The following YARS1 variants were observed in gnomAD, a reference collection of about 807,000 sequenced individuals.
YARS1 encodes the protein tyrosine--tRNA ligase, cytoplasmic.
Under a neutral mutation model 62.2 loss-of-function variants are expected in YARS1, and 36 were observed. The ratio of observed to expected loss-of-function variants is 0.58; its 90% confidence interval spans 0.44 to 0.76. The LOEUF is 0.76. Among genes scored for constraint, YARS1 ranks in the 30% least tolerant of loss-of-function variants. The pLI, the probability that YARS1 is intolerant of heterozygous loss-of-function variation, is 0.00. For synonymous variants in YARS1, 234 were observed against 244.9 expected, an observed-to-expected ratio of 0.96 and a Z score of 0.42; for missense variants, 524 against 639.8, an observed-to-expected ratio of 0.82 and a Z score of 1.95.
chr1:32,794,416 GTC>G (rs1181709622), intron 5 of YARS1, among the ~76,000 whole-genome samples: 1 of 152,050 alleles, frequency 6.6e-6, no homozygotes, highest in Non-Finnish European at 1.5e-5. Context: ...TTGAGACAAG[GTC>G]TCTCTCTGTT....
Position 32,804,915 on chromosome 1 carries a change from C to G in YARS1, c.510+1567G>C, listed in dbSNP as rs543518036. On this transcript the variant is annotated intron_variant, in intron 4 of 12. Coordinates refer to ENST00000373477, the MANE Select transcript of YARS1 (RefSeq NM_003680.4). ...GGTGGAGGTTGTAGCGAGCTGAGAT[C>G]ACGCCACTGCACTCCAGCCTGGGCA... 2.0e-3 allele frequency among the ~76,000 whole-genome samples: 308 copies of G among 152,246 alleles called. 3 individuals carry two copies. Among genetic ancestry groups the G allele is most frequent in the African/African-American group, 6.1e-3 (253 of 41,560 alleles).
In YARS1 at chr1:32,806,608, C is replaced by G; in HGVS notation, c.384G>C (p.Glu128Asp). 6.2e-7 allele frequency: 1 copy of G among 1,614,168 alleles called. No homozygotes were observed. Among genetic ancestry groups the G allele is most frequent in the Non-Finnish European group, 8.5e-7 (1 of 1,180,034 alleles). Residue 128 changes from glutamate to aspartate, a missense_variant, in exon 4 of 13, where the codon GAG becomes GAC. Physicochemically the swap from Glu to Asp is conservative, Grantham distance 45 (BLOSUM62 2). Coordinates refer to ENST00000373477, the MANE Select transcript of YARS1 (RefSeq NM_003680.4). ...AGAGTCTGTACACATCTAGTGTGTA[C>G]TCTCTGAAGAGGAAAGGAAGAGGGG... ...IKGTDYQLSK[E>D]YTLDVYRLSS...
chr1:32,785,521 G>A (rs1236059211), intron 8 of YARS1, among the ~76,000 whole-genome samples: 10 of 151,844 alleles, frequency 6.6e-5, no homozygotes, highest in African/African-American at 2.4e-4. Context: ...AACCTAGCGG[G>A]CCAAGATGGA....
Position 32,776,123 on chromosome 1 carries a change from ATGG to A in YARS1, c.1477-35_1477-33del. 6.4e-7 allele frequency: 1 copy of A among 1,568,702 alleles called. No individual in the cohort carries two copies. ...AAGACAGATAAGAGAGATTTTAATG[ATGG>A]TGGTGGGACTGCAAGAAAACCCCCC... is the stretch of plus-strand genomic sequence containing the variant. On this transcript the variant is annotated intron_variant, in intron 12 of 12. Transcript: ENST00000373477. This position sits in a 1 kb window ranked among gnomAD's most constrained non-coding sequence, Gnocchi z 4.0.
At chr1:32,807,608 C>G (rs1322034348) in intron 3 of YARS1, among the ~76,000 whole-genome samples, 2 of 152,168 alleles carry the variant, frequency 1.3e-5, no homozygotes, top group East Asian at 3.9e-4. Flanking sequence ...TAGGCATGTG[C>G]CACCACACCT....
At chr1:32,778,656 C>G (rs1652950685) in intron 12 of YARS1, among the ~76,000 whole-genome samples, 1 of 151,730 alleles carries the variant, frequency 6.6e-6, no homozygotes, top group South Asian at 2.1e-4. Flanking sequence ...ATCCTCCCGT[C>G]TTGGCCTCCC....
chr1:32,812,628 C>G (rs1376415343), intron 1 of YARS1, among the ~76,000 whole-genome samples: 2 of 152,144 alleles, frequency 1.3e-5, no homozygotes, highest in Non-Finnish European at 2.9e-5. Flanking sequence ...AGACATTCAC[C>G]ATCAATTCTC....
At chr1:32,809,163 C>T (rs1004084064) in intron 3 of YARS1, among the ~76,000 whole-genome samples, 6 of 151,808 alleles carry the variant, frequency 4.0e-5, no homozygotes, top group Admixed American at 1.3e-4. Flanking sequence ...CTCCACTCAC[C>T]GCAACCTCCA....
chr1:32,807,136 AAGAC>A (rs1043605360), intron 3 of YARS1, among the ~76,000 whole-genome samples: 46 of 152,302 alleles, frequency 3.0e-4, no homozygotes, highest in African/African-American at 1.0e-3. Flanking sequence ...CATCAGAACA[AAGAC>A]AGACAGACCC....
rs781198754 is a variant in YARS1 at position 32,776,309 on chromosome 1, G to A, written c.1477-218C>T. Among the ~76,000 whole-genome samples the A allele has an allele frequency of 2.6e-5, 4 of 151,998 alleles. No individual in the cohort carries two copies. The highest frequency in any genetic ancestry group is 2.1e-4 in the South Asian group (1 of 4,814). On this transcript the variant is annotated intron_variant, in intron 12 of 12. Coordinates refer to ENST00000373477, the MANE Select transcript of YARS1 (RefSeq NM_003680.4). The surrounding 1 kb of genome is among the most constrained non-coding windows in gnomAD (Gnocchi z 4.0). ...ACTACAGGCATGCACCACCACGCCC[G>A]ACTAATTTTGTACTTTTAGTAGACA...
chr1:32,791,354 A>G (rs1429613618), intron 5 of YARS1, 100 bp from the exon 6 acceptor site: 1 of 911,598 alleles, frequency 1.1e-6, no homozygotes, highest in Admixed American at 1.8e-5. Flanking sequence ...TAGTTGTTAT[A>G]TTGCTTCCAA....
At chr1:32,814,839 G>A (rs912513388) in intron 1 of YARS1, among the ~76,000 whole-genome samples, 5 of 152,306 alleles carry the variant, frequency 3.3e-5, no homozygotes, top group Admixed American at 6.5e-5. Flanking sequence ...AGTGTACCCC[G>A]ATAAGAGGTT....
At chr1:32,782,563 T>C in intron 8 of YARS1, 24 bp from the exon 9 acceptor site, 1 of 1,614,070 alleles carries the variant, frequency 6.2e-7, no homozygotes, top group South Asian at 1.1e-5. Context: ...CAAGACCTAG[T>C]GAGATAAAGT....
chr1:32,778,299 A>G (rs1397209545), intron 12 of YARS1, among the ~76,000 whole-genome samples: 1 of 152,234 alleles, frequency 6.6e-6, no homozygotes, highest in Non-Finnish European at 1.5e-5. Flanking sequence ...TCACTGGGGC[A>G]GGCCAGATTT....
At chr1:32,781,378 A>T (rs896776764) in intron 9 of YARS1, 2 of 549,532 alleles carry the variant, frequency 3.6e-6, no homozygotes, top group African/African-American at 3.8e-5. Context: ...GAGCAGTAGT[A>T]GCTTTGCCTC....
At chr1:32,792,975 TAAGAA>T (rs897470274) in intron 5 of YARS1, among the ~76,000 whole-genome samples, 4 of 150,754 alleles carry the variant, frequency 2.7e-5, no homozygotes, top group Non-Finnish European at 5.9e-5. Flanking sequence ...AAAAAGGAAA[TAAGAA>T]AAGGCAGACA....
chr1:32,810,769 G>A lies in YARS1; in HGVS notation c.205-3C>T, dbSNP rs1374138190. On this transcript the variant is annotated splice_polypyrimidine_tract_variant and splice_region_variant and intron_variant, in intron 2 of 12. Coordinates refer to ENST00000373477, the MANE Select transcript of YARS1 (RefSeq NM_003680.4). ...AGGTCCGCAAACAGAATTGTTACCT[G>A]GACAAGAGATAAGGGGCCACCAAAA... The A allele has an allele frequency of 6.2e-7, 1 of 1,614,120 alleles. No individual in the cohort carries two copies. The highest frequency in any genetic ancestry group is 8.5e-7 in the Non-Finnish European group (1 of 1,180,020).
At chr1:32,786,298 A>G in intron 8 of YARS1, 64 bp downstream of exon 8, 3 of 1,521,574 alleles carry the variant, frequency 2.0e-6, no homozygotes, top group Non-Finnish European at 2.7e-6. Flanking sequence ...ACAAGTTCTA[A>G]CAGTCAGCAA....
chr1:32,780,395 C>T (rs1569707598), intron 10 of YARS1, 117 bp from the exon 11 acceptor site: 1 of 1,196,976 alleles, frequency 8.4e-7, no homozygotes, highest in Admixed American at 1.8e-5. Context: ...TGGAAAGACC[C>T]CCTAGAGCTA....
Sources: allele counts gnomAD v4.1 joint callset (sites outside exome capture counted in the v4.1 genomes callset), GRCh38; gene constraint gnomAD v4.1.1; non-coding constraint Gnocchi (gnomAD v3.1); transcripts MANE v1.5; gene names NCBI Gene and HGNC (gene_info 2026-07-23, HGNC 2026-07-21).